The following FCRL5 variants were observed in gnomAD, a reference collection of about 807,000 sequenced individuals.
The protein encoded by FCRL5 is Fc receptor like 5.
A neutral mutation model predicts 92.1 loss-of-function variants in FCRL5; 79 were observed. The observed-to-expected ratio is 0.86, with a 90% CI of 0.72 to 1.03. The LOEUF (loss-of-function observed/expected upper bound fraction) is 1.03. FCRL5 is among the 50% of genes least tolerant of loss of function. The pLI is 0.00. For missense variants in FCRL5, 1,160 were observed against 1,181.1 expected (o/e 0.98, Z 0.26); for synonymous variants, 466 against 469.3 (o/e 0.99, Z 0.09).
intron 6 of FCRL5, among the ~76,000 whole-genome samples, chr1:157,540,656 C>A (rs889968483): frequency 1.3e-5 from 2 of 152,094 alleles, no homozygotes; most frequent in Non-Finnish European, 2.9e-5. Context: ...ATCTCTACTT[C>A]TTTATCTCAT....
At chr1:157,519,347 A>G (rs1210522185) in intron 13 of FCRL5, among the ~76,000 whole-genome samples, 5 of 152,192 alleles carry the variant, frequency 3.3e-5, no homozygotes, top group African/African-American at 1.2e-4. Context: ...GTGCGGCTCC[A>G]TCTTCTCAGT....
In FCRL5 at chr1:157,524,270, C is replaced by T. The variant is rs778980613; in HGVS notation, c.2239+9G>A. The T allele has an allele frequency of 2.5e-6, 4 of 1,613,948 alleles. No homozygotes were observed. The highest frequency in any genetic ancestry group is 2.7e-5 in the African/African-American group (2 of 75,062). On this transcript the variant is annotated intron_variant, in intron 10 of 16. Coordinates refer to ENST00000361835, the MANE Select transcript of FCRL5 (RefSeq NM_031281.3). ...TCAGATGTGCTGCTGGTGGGCAGGG[C>T]CCACTCACCTGCAACTTTCAGTGTC...
intron 1 of FCRL5, among the ~76,000 whole-genome samples, chr1:157,550,249 G>T (rs1037486137): frequency 2.6e-5 from 4 of 152,158 alleles, no homozygotes; most frequent in African/African-American, 9.7e-5. Flanking sequence ...AAGGAGTCAT[G>T]GAATGGTTTC....
intron 7 of FCRL5, among the ~76,000 whole-genome samples, chr1:157,537,815 G>A (rs1428446882): frequency 6.6e-6 from 1 of 152,164 alleles, no homozygotes; most frequent in Non-Finnish European, 1.5e-5. Flanking sequence ...AATATTGGGG[G>A]TGAATTTCCC....
In FCRL5 at chr1:157,527,741, G is replaced by T; in HGVS notation, c.1836C>A (p.Ala612=). 1 of 1,614,182 alleles carries T rather than the reference G, an allele frequency of 6.2e-7. No individual in the cohort carries two copies. Among genetic ancestry groups the T allele is most frequent in the Non-Finnish European group, 8.5e-7 (1 of 1,180,016 alleles). The change falls in exon 9 of 17, where the codon GCC becomes GCA. Residue 612 remains alanine, a synonymous_variant. Transcript: ENST00000361835. ...TGAAAGAAGCTTCTCCTCCAGAGGGGGCTGAGCTGCTCCCCAGGGTGACAT... is the reference window on the plus strand; with the variant it reads ...TGAAAGAAGCTTCTCCTCCAGAGGGTGCTGAGCTGCTCCCCAGGGTGACAT... ...HEDVTLGSSS[A]PSGGEASFNL...
At chr1:157,521,576 C>A in intron 10 of FCRL5, 1 of 299,388 alleles carries the variant, frequency 3.3e-6, no homozygotes, top group South Asian at 7.2e-5. Flanking sequence ...CAAAGACAAC[C>A]ATACAATACT....
chr1:157,530,223 A>T (rs549135936), intron 8 of FCRL5, among the ~76,000 whole-genome samples: 6 of 152,190 alleles, frequency 3.9e-5, no homozygotes, highest in Non-Finnish European at 8.8e-5. Flanking sequence ...TTAGCTATAT[A>T]TTATGGGCAT....
At chr1:157,530,118 A>G (rs543445884) in intron 8 of FCRL5, among the ~76,000 whole-genome samples, 4 of 152,342 alleles carry the variant, frequency 2.6e-5, no homozygotes, top group Non-Finnish European at 4.4e-5. Context: ...TTTTCTATGT[A>G]TAAGTACACT....
In FCRL5 at chr1:157,524,465, C is replaced by G; in HGVS notation, c.2053G>C (p.Gly685Arg). ...AACCAGTACAGGATTGGGGAGGAGC[C>G]TCTCAGGGCCTCACAGTGAAGCTCC... is the stretch of plus-strand genomic sequence containing the variant. The part of the protein sequence containing the change: ...LLELHCEALR[G>R]SSPILYWFYH... Residue 685 changes from glycine (G) to arginine (R), a missense_variant, in exon 10 of 17, where the codon GGC becomes CGC. Coordinates refer to ENST00000361835, the MANE Select transcript of FCRL5 (RefSeq NM_031281.3). The G allele has an allele frequency of 6.2e-7, 1 of 1,614,228 alleles. No homozygotes were observed.
At chr1:157,547,914 C>T (rs912379362) in intron 2 of FCRL5, among the ~76,000 whole-genome samples, 1 of 152,236 alleles carries the variant, frequency 6.6e-6, no homozygotes, top group Admixed American at 6.5e-5. Flanking sequence ...TTCTCCCCAT[C>T]TCCCCTTTCT....
intron 12 of FCRL5, 75 bp from the exon 13 acceptor site, chr1:157,519,845 A>G: frequency 6.8e-7 from 1 of 1,460,444 alleles, no homozygotes; most frequent in Non-Finnish European, 9.6e-7. Flanking sequence ...GGCAAGGCTC[A>G]CTTAGAAACT....
intron 15 of FCRL5, among the ~76,000 whole-genome samples, chr1:157,517,164 C>T (rs1478401116): frequency 1.3e-5 from 2 of 152,166 alleles, no homozygotes; most frequent in Non-Finnish European, 2.9e-5. Flanking sequence ...GGGATTCCCT[C>T]ATTTCAAACC....
intron 7 of FCRL5, among the ~76,000 whole-genome samples, chr1:157,536,839 A>G (rs1650990459): frequency 6.6e-6 from 1 of 152,254 alleles, no homozygotes. Context: ...TGAAGATTTC[A>G]TGGACATTTA....
chr1:157,546,450 A>AAAACCAAATCAAACC (rs1651540601), intron 3 of FCRL5, among the ~76,000 whole-genome samples: 1 of 145,016 alleles, frequency 6.9e-6, no homozygotes, highest in African/African-American at 2.5e-5. Flanking sequence ...TCCATCTCAA[A>AAAACCAAATCAAACC]AAACCAAACC....
intron 2 of FCRL5, chr1:157,547,476 G>C: frequency 6.9e-6 from 4 of 582,582 alleles, no homozygotes; most frequent in Non-Finnish European, 1.3e-5. Context: ...ACATGGAAGT[G>C]GGTCCCAGAG....
chr1:157,527,660 GC>G lies in FCRL5; in HGVS notation c.1916del (p.Gly639AlafsTer2). On this transcript the variant is annotated frameshift_variant, in exon 9 of 17. Coordinates refer to ENST00000361835, the MANE Select transcript of FCRL5 (RefSeq NM_031281.3). LOFTEE classifies it high-confidence loss of function. ...SGNYSCEANNGLVAQHSDTIS... is the reference protein window; with the variant it reads ...SGNYSCEANNXLVAQHSDTIS... ...TTGTGTCACTGTGCTGGGCCACTAG[GC>G]CATTGTTGGCCTCACATGAGTAGTT... 1 of 1,613,902 alleles carries G rather than the reference GC, an allele frequency of 6.2e-7. No individual in the cohort carries two copies. The highest frequency in any genetic ancestry group is 2.2e-5 in the East Asian group (1 of 44,880).
rs73011567 is a variant in FCRL5, at chr1:157,534,632, C to T, written c.1663G>A (p.Val555Met). 43,284 of 1,613,828 alleles carry T rather than the reference C, an allele frequency of 0.027. 3,365 individuals carry two copies. The African/African-American group carries it at 0.27, about 10-fold the overall frequency. The change falls in exon 8 of 17, where the codon GTG (valine) becomes ATG (methionine). Residue 555 changes from valine to methionine, a missense_variant. Coordinates refer to ENST00000361835, the MANE Select transcript of FCRL5 (RefSeq NM_031281.3). ...NGFGPQRSEVVSLFVTVPVSR... is the reference protein window; with the variant it reads ...NGFGPQRSEVMSLFVTVPVSR... Reference sequence around the variant, plus strand: ...CACTTACCAGTGACAAAAAGGCTCACCACTTCACTGCGCTGGGGACCAAAG... The same window carrying T: ...CACTTACCAGTGACAAAAAGGCTCATCACTTCACTGCGCTGGGGACCAAAG...
At chr1:157,540,407 G>A (rs781725459) in intron 6 of FCRL5, among the ~76,000 whole-genome samples, 19 of 152,042 alleles carry the variant, frequency 1.2e-4, no homozygotes, top group Non-Finnish European at 8.8e-5. Flanking sequence ...GCCTGCCTGG[G>A]GGGATTTTCT....
chr1:157,514,401 A>G lies in FCRL5; in HGVS notation c.*1274T>C, dbSNP rs1649833823. The G allele has an allele frequency of 6.6e-6, 1 of 152,272 alleles. No individual in the cohort carries two copies. The highest frequency in any genetic ancestry group is 2.1e-4 in the South Asian group (1 of 4,832). The allele number at this position is 152,272 out of a possible 1,614,324, so 9.4% of individuals were successfully genotyped here. ...TAGTGGCAGCTACTTTCCGCTTCCC[A>G]GGGTGGCTGATGAAAGCCAACATGT... On this transcript the variant is annotated 3_prime_UTR_variant, in exon 17 of 17. Coordinates refer to ENST00000361835, the MANE Select transcript of FCRL5 (RefSeq NM_031281.3).
Sources: gnomAD v4.1 joint callset for allele counts (sites outside exome capture counted in the v4.1 genomes callset) on GRCh38, gnomAD v4.1.1 for gene constraint, MANE v1.5 for transcripts, NCBI Gene and HGNC (gene_info 2026-07-23, HGNC 2026-07-21) for gene names.